Variants in LRRC49 observed in about 807,000 individuals in gnomAD.
LRRC49 encodes the protein leucine-rich repeat-containing protein 49.
In LRRC49, 50 loss-of-function variants were observed where a neutral mutation model predicts 83.3. That is an observed-to-expected ratio of 0.60 (90% CI 0.48 to 0.76). The LOEUF is 0.76. LRRC49 is among the 30% of genes least tolerant of loss of function. The pLI, the probability that LRRC49 is intolerant of heterozygous loss-of-function variation, is 0.00. For synonymous variants in LRRC49, 286 were observed against 283.3 expected (o/e 1.01, Z -0.10); for missense variants, 704 against 809.1 (o/e 0.87, Z 1.58).
intron 10 of LRRC49, 135 bp downstream of exon 10, chr15:70,980,319 C>T: frequency 4.0e-6 from 2 of 500,482 alleles, no homozygotes; most frequent in Non-Finnish European, 7.1e-6. Context: ...AATGTACGTA[C>T]CCCTAAAACT....
intron 3 of LRRC49, among the ~76,000 whole-genome samples, chr15:70,899,567 T>C (rs1226112660): frequency 6.6e-6 from 1 of 152,160 alleles, no homozygotes; most frequent in Non-Finnish European, 1.5e-5. Context: ...TTTTGTAATA[T>C]TCAGAAAAGT....
rs183713284 is a variant in LRRC49, at chr15:70,989,688, T to C, written c.1169+5431T>C. 6.6e-5 allele frequency among the ~76,000 whole-genome samples: 10 copies of C among 152,322 alleles called. No homozygotes were observed. In the East Asian group the frequency reaches 1.7e-3, roughly 26 times the overall value. On this transcript the variant is annotated intron_variant, in intron 11 of 15. Transcript: ENST00000260382. ...ATTGCTGGTGAGGAGCTGTGTTACT[T>C]TGGAGGAGGAGAGGCGCTCTGCTTT...
chr15:70,890,948 CTTT>C (rs2033540886), upstream of LRRC49, among the ~76,000 whole-genome samples: 1 of 152,110 alleles, frequency 6.6e-6, no homozygotes, highest in African/African-American at 2.4e-5. Context: ...TAATTTTGCT[CTTT>C]ATCTTAATAA....
intron 14 of LRRC49, among the ~76,000 whole-genome samples, chr15:71,013,849 A>G (rs1269497022): frequency 6.6e-6 from 1 of 152,212 alleles, no homozygotes; most frequent in Admixed American, 6.5e-5. Flanking sequence ...TGCTATGGTC[A>G]TGGAGCACTT....
intron 14 of LRRC49, among the ~76,000 whole-genome samples, chr15:71,032,118 G>C (rs2039376373): frequency 6.6e-6 from 1 of 152,208 alleles, no homozygotes; most frequent in South Asian, 2.1e-4. Flanking sequence ...CAGGACCCTG[G>C]TGATGTAGGC....
rs973344948 is a variant in LRRC49, at chr15:70,966,782, C to T, written c.921+2850C>T. On this transcript the variant is annotated intron_variant, in intron 9 of 15. Coordinates refer to ENST00000260382, the MANE Select transcript of LRRC49 (RefSeq NM_017691.5). ...GAGACTATTAGGTATCTTGAACTCACGAGTTTCTGTACTAGGATATATATT... is the reference window on the plus strand; with the variant it reads ...GAGACTATTAGGTATCTTGAACTCATGAGTTTCTGTACTAGGATATATATT... 4.6e-5 allele frequency among the ~76,000 whole-genome samples: 7 copies of T among 152,012 alleles called. No individual in the cohort carries two copies. In the South Asian group the frequency reaches 8.3e-4, roughly 18 times the overall value.
intron 1 of LRRC49, among the ~76,000 whole-genome samples, chr15:70,864,570 T>G (rs2032870537): frequency 6.6e-6 from 1 of 152,246 alleles, no homozygotes; most frequent in South Asian, 2.1e-4. Context: ...TTAGTTTATC[T>G]GAAGGCACCA....
chr15:70,970,313 T>A (rs2036948168), intron 9 of LRRC49, among the ~76,000 whole-genome samples: 1 of 152,244 alleles, frequency 6.6e-6, no homozygotes, highest in Non-Finnish European at 1.5e-5. Flanking sequence ...CAGCCTTGCA[T>A]CCCAGGGATG....
rs71880311 is a variant in LRRC49 at position 70,866,114 on chromosome 15, G to GTATTTATT, written c.-298-6752_-298-6745dup. 5.9e-3 allele frequency among the ~76,000 whole-genome samples: 844 copies of GTATTTATT among 142,132 alleles called. 8 individuals are homozygous for GTATTTATT. The highest frequency in any genetic ancestry group is 0.01 in the African/African-American group (401 of 38,316). The allele number at this position is 142,132 out of a possible 152,430, so 93.2% of individuals were successfully genotyped here. A position where few individuals can be genotyped will look rare whatever the true frequency, so the allele number is the denominator to read the frequency against. ...TCCCCATAGTTCTGGTACATGTAAA[G>GTATTTATT]TATTTATTTATTTATTTATTTATTT... On this transcript the variant is annotated intron_variant, in intron 1 of 16. Transcript: ENST00000544974.
At chr15:71,048,838 T>C in intron 15 of LRRC49, 1 of 456,062 alleles carries the variant, frequency 2.2e-6, no homozygotes, top group South Asian at 1.5e-5. Flanking sequence ...GGCAACGTCC[T>C]GGGTCCCAGG....
upstream of LRRC49, chr15:70,892,644 G>T (rs1337723729): frequency 1.6e-5 from 23 of 1,446,214 alleles, no homozygotes; most frequent in Non-Finnish European, 2.0e-5. Context: ...CAATACTCCC[G>T]CTCTGTTTTT....
intron 2 of LRRC49, chr15:70,882,788 A>AAG: frequency 6.2e-7 from 1 of 1,614,180 alleles, no homozygotes; most frequent in Non-Finnish European, 8.5e-7. Flanking sequence ...GGCCTTTTCA[A>AAG]AGAAATTTGT....
intron 14 of LRRC49, among the ~76,000 whole-genome samples, chr15:71,033,510 C>T (rs2039424436): frequency 6.6e-6 from 1 of 152,138 alleles, no homozygotes; most frequent in South Asian, 2.1e-4. Context: ...CTACCATTGA[C>T]ATTCTTCACA....
chr15:70,867,033 TG>T (rs551512834), intron 1 of LRRC49, among the ~76,000 whole-genome samples: 228 of 145,682 alleles, frequency 1.6e-3, no homozygotes, highest in African/African-American at 5.6e-3. Context: ...AGAATTCAAG[TG>T]GAGGCTGATC....
chr15:70,967,496 A>G (rs1320349726), intron 9 of LRRC49, among the ~76,000 whole-genome samples: 1 of 152,104 alleles, frequency 6.6e-6, no homozygotes, highest in African/African-American at 2.4e-5. Context: ...GCCATCTATC[A>G]CTGGCCTCAA....
At chr15:70,882,361 T>A in intron 2 of LRRC49, 1 of 1,162,530 alleles carries the variant, frequency 8.6e-7, no homozygotes, top group East Asian at 2.4e-5. Flanking sequence ...TGTCAAATTA[T>A]CTTGAAGTGA....
At chr15:70,882,267 T>G in intron 2 of LRRC49, 1 of 510,802 alleles carries the variant, frequency 2.0e-6, no homozygotes, top group Non-Finnish European at 3.4e-6. Flanking sequence ...AATAGGGATG[T>G]TTGTGGGTAG....
At chr15:71,040,408 T>C (rs910003354) in intron 15 of LRRC49, among the ~76,000 whole-genome samples, 4 of 152,140 alleles carry the variant, frequency 2.6e-5, no homozygotes, top group South Asian at 2.1e-4. Context: ...CAGTGGAATA[T>C]GGCAAGGGTA....
At position 70,883,348 on chromosome 15, in the gene LRRC49, C is replaced by T. The variant is rs538158295; in HGVS notation, c.18+10125C>T. On this transcript the variant is annotated intron_variant, in intron 2 of 16. Transcript: ENST00000544974. The stretch of plus-strand genomic sequence containing the variant: ...CTGGGATTACAGGCAGGCGCCACCA[C>T]GCCCAGCTAATTTTTTTGTATTTTT... 2.6e-4 allele frequency among the ~76,000 whole-genome samples: 40 copies of T among 151,944 alleles called. No individual in the cohort carries two copies. The East Asian group carries it at 6.9e-3, about 26-fold the overall frequency.
Sources: allele counts gnomAD v4.1 joint callset (sites outside exome capture counted in the v4.1 genomes callset), GRCh38; gene constraint gnomAD v4.1.1; transcripts MANE v1.5; gene names NCBI Gene and HGNC (gene_info 2026-07-23, HGNC 2026-07-21).